NUBPL: variants seen among roughly 807,000 people sequenced by gnomAD.
NUBPL encodes the protein iron-sulfur cluster transfer protein NUBPL.
NUBPL carries 31 observed loss-of-function variants against 45.7 expected under a neutral mutation model. The observed-to-expected ratio is 0.68, with a 90% CI of 0.51 to 0.92. The LOEUF is 0.92. NUBPL is among the 40% of genes least tolerant of loss of function. The pLI is 0.00. For synonymous variants in NUBPL, 144 were observed against 140.9 expected, an observed-to-expected ratio of 1.02 and a Z score of -0.15; for missense variants, 401 against 398.7, an observed-to-expected ratio of 1.01 and a Z score of -0.05.
chr14:31,611,589 C>A (rs1340491578), intron 4 of NUBPL, among the ~76,000 whole-genome samples: 1 of 152,060 alleles, frequency 6.6e-6, no homozygotes, highest in Non-Finnish European at 1.5e-5. Context: ...TTATATGGAA[C>A]CACAGAAGAT....
At chr14:31,640,574 C>A in intron 4 of NUBPL, among the ~76,000 whole-genome samples, 1 of 148,546 alleles carries the variant, frequency 6.7e-6, no homozygotes, top group Non-Finnish European at 1.5e-5. Context: ...AAGATCACAC[C>A]ACTGCACTCC....
intron 6 of NUBPL, among the ~76,000 whole-genome samples, chr14:31,756,125 A>C (rs1288625675): frequency 6.6e-6 from 1 of 151,880 alleles, no homozygotes; most frequent in Non-Finnish European, 1.5e-5. Context: ...GTTTGAAGTC[A>C]GGTAGCATGA....
chr14:31,692,082 A>G (rs2037107459), intron 6 of NUBPL, among the ~76,000 whole-genome samples: 1 of 152,200 alleles, frequency 6.6e-6, no homozygotes, highest in African/African-American at 2.4e-5. Flanking sequence ...ATAGGCAGAT[A>G]TATGCTAGGA....
At position 31,834,475 on chromosome 14, in the gene NUBPL, G is replaced by A. The variant is rs1024645200; in HGVS notation, c.693+7761G>A. ...ATTACAGGCGTGAGCCACTGCGCCT[G>A]GCCGGTCTGGAACTTTTTAGTATTT... On this transcript the variant is annotated intron_variant, in intron 8 of 10. Coordinates refer to ENST00000281081, the MANE Select transcript of NUBPL (RefSeq NM_025152.3). Among the ~76,000 whole-genome samples, 6 of 152,084 alleles carry A rather than the reference G, an allele frequency of 3.9e-5. No homozygotes were observed. The East Asian group carries it at 7.7e-4, about 20-fold the overall frequency.
At chr14:31,782,028 C>G (rs1028112725) in intron 6 of NUBPL, among the ~76,000 whole-genome samples, 2 of 152,050 alleles carry the variant, frequency 1.3e-5, no homozygotes, top group African/African-American at 4.8e-5. Context: ...TTTTAAATAA[C>G]CTCCAAATTT....
At chr14:31,607,945 A>C (rs1368783385) in intron 4 of NUBPL, among the ~76,000 whole-genome samples, 2 of 152,216 alleles carry the variant, frequency 1.3e-5, no homozygotes, top group East Asian at 3.9e-4. Flanking sequence ...GCATTTAATA[A>C]TCAAACTCCC....
At chr14:31,622,643 T>C (rs2035095306) in intron 4 of NUBPL, among the ~76,000 whole-genome samples, 1 of 152,242 alleles carries the variant, frequency 6.6e-6, no homozygotes, top group African/African-American at 2.4e-5. Flanking sequence ...CTCAGGCCAT[T>C]CTTTCAGAGG....
intron 6 of NUBPL, among the ~76,000 whole-genome samples, chr14:31,740,447 T>A (rs1346370946): frequency 6.6e-6 from 1 of 152,202 alleles, no homozygotes; most frequent in African/African-American, 2.4e-5. Flanking sequence ...CATCCATATA[T>A]CTTATTTGGT....
At chr14:31,708,919 A>G (rs1306096198) in intron 6 of NUBPL, among the ~76,000 whole-genome samples, 1 of 152,114 alleles carries the variant, frequency 6.6e-6, no homozygotes, top group Admixed American at 6.5e-5. Flanking sequence ...AATCTTTTTT[A>G]AAGTGTCCTA....
rs145012683 is a variant in NUBPL at position 31,629,152 on chromosome 14, A to G, written c.382+29773A>G. Among the ~76,000 whole-genome samples, 4 of 152,336 alleles carry G rather than the reference A, an allele frequency of 2.6e-5. No homozygotes were observed. In the East Asian group the frequency reaches 7.7e-4, roughly 29 times the overall value. On this transcript the variant is annotated intron_variant, in intron 4 of 10. Transcript: ENST00000281081. ...CTCCAGAGAGAAAGGGCCAATAACC[A>G]ACCATATTTGGAGAATTGCTTGTTT...
chr14:31,671,090 C>A (rs186573540), intron 4 of NUBPL, among the ~76,000 whole-genome samples: 1 of 152,198 alleles, frequency 6.6e-6, no homozygotes. Context: ...GTTATTGATT[C>A]TTCCTATCCA....
At chr14:31,790,031 C>G (rs557360547) in intron 7 of NUBPL, among the ~76,000 whole-genome samples, 1 of 151,836 alleles carries the variant, frequency 6.6e-6, no homozygotes, top group African/African-American at 2.4e-5. Context: ...CTTGGAATGC[C>G]TTTTGCAAGC....
At chr14:31,588,707 G>A (rs2034061364) in intron 3 of NUBPL, among the ~76,000 whole-genome samples, 1 of 151,800 alleles carries the variant, frequency 6.6e-6, no homozygotes. Flanking sequence ...ACGAGGTCAG[G>A]AGTTCGAGAC....
At chr14:31,664,171 A>T (rs976719306) in intron 4 of NUBPL, among the ~76,000 whole-genome samples, 1 of 152,168 alleles carries the variant, frequency 6.6e-6, no homozygotes, top group Non-Finnish European at 1.5e-5. Flanking sequence ...ATAAACAATC[A>T]TGTCATCTGC....
chr14:31,656,049 G>A (rs1290480228), intron 4 of NUBPL, among the ~76,000 whole-genome samples: 2 of 152,094 alleles, frequency 1.3e-5, no homozygotes, highest in Non-Finnish European at 2.9e-5. Context: ...TTCTACATCA[G>A]CACTTGCTTC....
intron 3 of NUBPL, among the ~76,000 whole-genome samples, chr14:31,566,769 T>C (rs1301938955): frequency 1.3e-5 from 2 of 152,108 alleles, no homozygotes; most frequent in East Asian, 1.9e-4. Context: ...AAATGAAAGA[T>C]GGAGGTAGGT....
At chr14:31,727,392 T>A (rs1301864294) in intron 6 of NUBPL, among the ~76,000 whole-genome samples, 4 of 152,162 alleles carry the variant, frequency 2.6e-5, no homozygotes, top group Admixed American at 2.6e-4. Flanking sequence ...GAAATACAGA[T>A]GTGGAGAGTT....
intron 3 of NUBPL, 62 bp from the exon 4 acceptor site, chr14:31,599,227 G>A (rs759494587): frequency 6.0e-5 from 75 of 1,258,034 alleles, no homozygotes; most frequent in Non-Finnish European, 8.1e-6. Flanking sequence ...TGAGAAGAGT[G>A]GGAACAATCT....
chr14:31,711,295 TAGAG>T (rs2037565241), intron 6 of NUBPL, among the ~76,000 whole-genome samples: 1 of 152,126 alleles, frequency 6.6e-6, no homozygotes, highest in Non-Finnish European at 1.5e-5. Context: ...CAGGGGATGT[TAGAG>T]AGCCCCTTCC....
Sources: gnomAD v4.1 joint callset for allele counts (sites outside exome capture counted in the v4.1 genomes callset) on GRCh38, gnomAD v4.1.1 for gene constraint, MANE v1.5 for transcripts, NCBI Gene and HGNC (gene_info 2026-07-23, HGNC 2026-07-21) for gene names.